The following EPS8 variants were observed in gnomAD, a reference collection of about 807,000 sequenced individuals.
The protein encoded by EPS8 is epidermal growth factor receptor kinase substrate 8.
A neutral mutation model predicts 103.8 loss-of-function variants in EPS8; 42 were observed. The observed-to-expected ratio is 0.40, with a 90% CI of 0.32 to 0.52. The LOEUF is 0.52. Ranked by LOEUF, EPS8 falls within the 20% of genes least tolerant of loss-of-function variation. EPS8 has a pLI of 0.40. For synonymous variants in EPS8, 344 were observed against 344.6 expected (o/e 1.00, Z 0.02); for missense variants, 969 against 1,005.1 (o/e 0.96, Z 0.49).
chr12:15,629,939 TA>T (rs1487029865), intron 18 of EPS8, among the ~76,000 whole-genome samples: 1 of 152,134 alleles, frequency 6.6e-6, no homozygotes, highest in Non-Finnish European at 1.5e-5. Context: ...GTTTTGAACA[TA>T]AATAGAAAGC....
intron 3 of EPS8, among the ~76,000 whole-genome samples, chr12:15,673,379 T>C (rs908628982): frequency 6.6e-6 from 1 of 152,210 alleles, no homozygotes; most frequent in African/African-American, 2.4e-5. Flanking sequence ...ATTAACATTT[T>C]AATAGGCAAT....
chr12:15,676,068 C>T (rs1375092337), intron 3 of EPS8, among the ~76,000 whole-genome samples: 5 of 151,758 alleles, frequency 3.3e-5, no homozygotes, highest in African/African-American at 9.7e-5. Context: ...GTCAGGAGAT[C>T]GAGACCATCC....
chr12:15,738,181 A>T lies in EPS8; in HGVS notation c.-22+50980T>A, dbSNP rs969736450. 2.6e-5 allele frequency among the ~76,000 whole-genome samples: 4 copies of T among 152,146 alleles called. No individual in the cohort carries two copies. The highest frequency in any genetic ancestry group is 9.7e-5 in the African/African-American group (4 of 41,442). Reference sequence around the variant, plus strand: ...GAATATCTAACTATTATTCTAATTAATATCACTTTTATTCTAACTAATATT... The same window carrying T: ...GAATATCTAACTATTATTCTAATTATTATCACTTTTATTCTAACTAATATT... On this transcript the variant is annotated intron_variant, in intron 1 of 20. Coordinates refer to ENST00000281172, the MANE Select transcript of EPS8 (RefSeq NM_004447.6). The surrounding 1 kb of genome is among the most constrained non-coding windows in gnomAD (Gnocchi z 6.2).
At chr12:15,654,321 GA>G (rs1945470721) in intron 12 of EPS8, 28 bp from the exon 13 acceptor site, 1 of 1,605,024 alleles carries the variant, frequency 6.2e-7, no homozygotes, top group African/African-American at 1.3e-5. Flanking sequence ...TTTTTAGCAA[GA>G]AGATTACTAT....
At position 15,669,760 on chromosome 12, in the gene EPS8, T is replaced by C; in HGVS notation, c.270A>G (p.Lys90=). Residue 90 remains lysine (K), a synonymous_variant, in exon 5 of 21, where the codon AAA becomes AAG. Coordinates refer to ENST00000281172, the MANE Select transcript of EPS8 (RefSeq NM_004447.6). ...TGCCCTTGGCATCAAGCAATTTCAA[T>C]TTCCTTATTCCATCATCAACAGTGA... ...AMITVDDGIR[K]LKLLDAKGKV... 2 of 1,613,836 alleles carry C rather than the reference T, an allele frequency of 1.2e-6. No individual in the cohort carries two copies. Among genetic ancestry groups the C allele is most frequent in the South Asian group, 1.1e-5 (1 of 91,006 alleles).
Position 15,666,433 on chromosome 12 carries a change from C to CT in EPS8, c.599+6dup, listed in dbSNP as rs1565488864. The CT allele has an allele frequency of 6.2e-7, 1 of 1,608,066 alleles. No homozygotes were observed. Among genetic ancestry groups the CT allele is most frequent in the African/African-American group, 1.3e-5 (1 of 74,790 alleles). On this transcript the variant is annotated splice_region_variant and intron_variant, in intron 7 of 20. Coordinates refer to ENST00000281172, the MANE Select transcript of EPS8 (RefSeq NM_004447.6). Reference sequence around the variant, plus strand: ...TTCCACTCCTTGATTTCTTTCAATGCTTTTACCTCAGGGCGTCGGGCCGCC... The same window carrying CT: ...TTCCACTCCTTGATTTCTTTCAATGCTTTTTACCTCAGGGCGTCGGGCCGCC...
chr12:15,758,412 C>T (rs906962393), intron 1 of EPS8, among the ~76,000 whole-genome samples: 4 of 152,212 alleles, frequency 2.6e-5, no homozygotes, highest in Non-Finnish European at 5.9e-5. Context: ...AGGTGGGGTA[C>T]ATTCCAGATC....
intron 16 of EPS8, among the ~76,000 whole-genome samples, 159 bp from the exon 17 acceptor site, chr12:15,641,005 G>A (rs995302312): frequency 3.3e-5 from 5 of 150,712 alleles, no homozygotes; most frequent in African/African-American, 1.2e-4. Context: ...ACACTAAGAA[G>A]ACATTTATGA....
At chr12:15,664,840 C>T (rs1428568468) in intron 8 of EPS8, among the ~76,000 whole-genome samples, 1 of 152,176 alleles carries the variant, frequency 6.6e-6, no homozygotes, top group Non-Finnish European at 1.5e-5. Flanking sequence ...AATGAAGATA[C>T]TAGACCAAAC....
intron 19 of EPS8, among the ~76,000 whole-genome samples, chr12:15,623,550 C>G (rs1297922811): frequency 6.6e-6 from 1 of 152,064 alleles, no homozygotes; most frequent in African/African-American, 2.4e-5. Flanking sequence ...AATACCAATT[C>G]TTGGGATTTG....
At chr12:15,741,841 T>C (rs1204052113) in intron 1 of EPS8, among the ~76,000 whole-genome samples, 1 of 152,148 alleles carries the variant, frequency 6.6e-6, no homozygotes, top group Admixed American at 6.5e-5. Context: ...TAGGTATATC[T>C]CCTAATGCTA....
intron 14 of EPS8, among the ~76,000 whole-genome samples, chr12:15,648,240 C>A (rs1428103210): frequency 6.6e-6 from 1 of 152,138 alleles, no homozygotes; most frequent in Non-Finnish European, 1.5e-5. Flanking sequence ...CTCCCCAAAG[C>A]CTTTACTTTG....
At chr12:15,737,600 T>C (rs1411731173) in intron 1 of EPS8, among the ~76,000 whole-genome samples, 1 of 152,140 alleles carries the variant, frequency 6.6e-6, no homozygotes, top group African/African-American at 2.4e-5. Context: ...GATGATAAAA[T>C]TGAGGCATGA....
rs1947243868 is a variant in EPS8, at chr12:15,780,016, C to G, written c.-22+9145G>C. On this transcript the variant is annotated intron_variant, in intron 1 of 20. Transcript: ENST00000281172. The surrounding 1 kb of genome is among the most constrained non-coding windows in gnomAD (Gnocchi z 4.1). ...AATTTCACCCAAAAACATGCAAGTT[C>G]TCTTTCTTAAATTCCATATAATCAC... is the stretch of plus-strand genomic sequence containing the variant. The G allele has an allele frequency of 6.6e-6, 1 of 152,154 alleles. No homozygotes were observed. The highest frequency in any genetic ancestry group is 6.5e-5 in the Admixed American group (1 of 15,276). 9.4% of individuals were successfully genotyped at this position (152,154 alleles called of 1,614,324 possible). A position where few individuals can be genotyped will look rare whatever the true frequency, so the allele number is the denominator to read the frequency against.
rs1269779733 is a variant in EPS8 at position 15,620,961 on chromosome 12, A to C, written c.*356T>G. The C allele has an allele frequency of 5.6e-6, 1 of 179,586 alleles. No individual in the cohort carries two copies. The highest frequency in any genetic ancestry group is 1.1e-5 in the Non-Finnish European group (1 of 87,494). The allele number at this position is 179,586 out of a possible 1,614,324, so 11.1% of individuals were successfully genotyped here. A position where few individuals can be genotyped will look rare whatever the true frequency, so the allele number is the denominator to read the frequency against. ...CAAAATCGAAACTGCTTAGATTTTGAATCATGGACAACATTGTTGCTTTGT... is the reference window on the plus strand; with the variant it reads ...CAAAATCGAAACTGCTTAGATTTTGCATCATGGACAACATTGTTGCTTTGT... On this transcript the variant is annotated 3_prime_UTR_variant, in exon 21 of 21. Transcript: ENST00000281172.
At chr12:15,650,756 C>G (rs572411409) in intron 14 of EPS8, 67 bp downstream of exon 14, 6 of 1,286,920 alleles carry the variant, frequency 4.7e-6, no homozygotes, top group Non-Finnish European at 6.6e-6. Context: ...AACTTGCAAT[C>G]AGAATTACAA....
At chr12:15,788,300 G>T (rs1947330183) in intron 1 of EPS8, among the ~76,000 whole-genome samples, 2 of 152,158 alleles carry the variant, frequency 1.3e-5, no homozygotes. Flanking sequence ...TGTAAAGGAG[G>T]ATTCTAATTC....
At chr12:15,730,143 G>A (rs1350294933) in intron 1 of EPS8, among the ~76,000 whole-genome samples, 3 of 151,928 alleles carry the variant, frequency 2.0e-5, no homozygotes, top group African/African-American at 7.2e-5. Context: ...CTTTTCCTTA[G>A]TTTTGATAAC....
intron 1 of EPS8, among the ~76,000 whole-genome samples, chr12:15,720,225 G>C (rs1360279048): frequency 4.6e-5 from 7 of 152,028 alleles, no homozygotes; most frequent in African/African-American, 1.7e-4. Flanking sequence ...AGTAATAAAT[G>C]GTAGATTTAA....
Sources: allele counts gnomAD v4.1 joint callset (sites outside exome capture counted in the v4.1 genomes callset), GRCh38; gene constraint gnomAD v4.1.1; non-coding constraint Gnocchi (gnomAD v3.1); transcripts MANE v1.5; gene names NCBI Gene and HGNC (gene_info 2026-07-23, HGNC 2026-07-21).